Variants in GADL1 observed in about 807,000 individuals in gnomAD.
GADL1 encodes GAD like acidic amino acid decarboxylase 1.
A neutral mutation model predicts 69.5 loss-of-function variants in GADL1; 71 were observed. The ratio of observed to expected loss-of-function variants is 1.02; its 90% confidence interval spans 0.84 to 1.25. The LOEUF (loss-of-function observed/expected upper bound fraction) is 1.25, where lower values mean the gene tolerates loss of function less well. GADL1 is among the 50% of genes most tolerant of loss of function. GADL1 has a pLI of 0.00. For synonymous variants in GADL1, 254 were observed against 214.4 expected (o/e 1.18, Z -1.62); for missense variants, 737 against 631.8 (o/e 1.17, Z -1.79).
intron 8 of GADL1, 51 bp downstream of exon 8, chr3:30,844,159 G>T (rs768491620): frequency 1.4e-6 from 2 of 1,416,014 alleles, no homozygotes; most frequent in East Asian, 2.3e-5. Context: ...GCGCGCGGGC[G>T]TGCGCGCACA....
intron 14 of GADL1, among the ~76,000 whole-genome samples, chr3:30,766,563 T>TC (rs1371958541): frequency 1.6e-5 from 2 of 125,416 alleles, no homozygotes; most frequent in Non-Finnish European, 3.6e-5. Context: ...GTGATTTTTT[T>TC]TCTCTTAATG....
intron 14 of GADL1, among the ~76,000 whole-genome samples, chr3:30,770,988 T>TTG (rs1350362686): frequency 6.6e-6 from 1 of 152,158 alleles, no homozygotes; most frequent in African/African-American, 2.4e-5. Context: ...AATAACAAAT[T>TTG]TTATGCGTTG....
At chr3:30,794,037 A>G (rs1696976443) in intron 12 of GADL1, among the ~76,000 whole-genome samples, 1 of 152,234 alleles carries the variant, frequency 6.6e-6, no homozygotes, top group African/African-American at 2.4e-5. Context: ...ACCAATATAA[A>G]GATAAAATGA....
intron 14 of GADL1, among the ~76,000 whole-genome samples, chr3:30,768,544 G>A (rs1363137665): frequency 7.6e-6 from 1 of 132,266 alleles, no homozygotes; most frequent in East Asian, 2.4e-4. Flanking sequence ...TTGAGAAGGA[G>A]AAGAGGGGGA....
intron 14 of GADL1, among the ~76,000 whole-genome samples, chr3:30,733,366 A>G (rs1024794162): frequency 2.0e-5 from 3 of 152,140 alleles, no homozygotes; most frequent in African/African-American, 7.2e-5. Context: ...ACAAAAACTA[A>G]TTTGCTTTAT....
intron 14 of GADL1, among the ~76,000 whole-genome samples, chr3:30,774,234 G>A (rs1185218301): frequency 6.6e-6 from 1 of 152,182 alleles, no homozygotes; most frequent in Non-Finnish European, 1.5e-5. Context: ...CCTGCACTGT[G>A]TAGAGCAATC....
Position 30,770,761 on chromosome 3 carries a change from T to C in GADL1, c.1392+7418A>G, listed in dbSNP as rs990031134. 4.1e-4 allele frequency among the ~76,000 whole-genome samples: 62 copies of C among 152,186 alleles called. 1 individual carries two copies. The highest frequency in any genetic ancestry group is 3.4e-3 in the Middle Eastern group (1 of 294). The stretch of plus-strand genomic sequence containing the variant: ...ATTCTTTATTTTAATTTTCAAGAGA[T>C]AGGCTAAACTCAGAACTTATGCCAC... On this transcript the variant is annotated intron_variant, in intron 14 of 14. Coordinates refer to ENST00000282538, the MANE Select transcript of GADL1 (RefSeq NM_207359.3).
At chr3:30,853,427 A>G (rs958346056) in intron 4 of GADL1, among the ~76,000 whole-genome samples, 1 of 152,172 alleles carries the variant, frequency 6.6e-6, no homozygotes, top group Non-Finnish European at 1.5e-5. Flanking sequence ...CACCATTTCA[A>G]TTACCATAAT....
rs142076789 is a variant in GADL1, at chr3:30,769,386, GCA to G, written c.1392+8791_1392+8792del. Among the ~76,000 whole-genome samples, 637 of 151,604 alleles carry G rather than the reference GCA, an allele frequency of 4.2e-3. 5 individuals are homozygous for G. Among genetic ancestry groups the G allele is most frequent in the African/African-American group, 0.015 (608 of 41,264 alleles). ...CAATGTCTGGAACGTATGCACACAC[GCA>G]CACACACACACCCAGATACCTCCTT... On this transcript the variant is annotated intron_variant, in intron 14 of 14. Transcript: ENST00000282538.
chr3:30,850,014 G>A lies in GADL1; in HGVS notation c.633C>T (p.Ile211=). Residue 211 remains isoleucine (I), a synonymous_variant, in exon 6 of 15, where the codon ATC becomes ATT. Transcript: ENST00000282538. ...TTTTTACCTCTGCAGATGTGAAAAG[G>A]ATTAATCTTGGCGAACCAGACAGCC... The part of the protein sequence containing the change: ...EKGLSGSPRL[I]LFTSAECHYS... 1 of 1,597,520 alleles carries A rather than the reference G, an allele frequency of 6.3e-7. No individual in the cohort carries two copies. Among genetic ancestry groups the A allele is most frequent in the South Asian group, 1.1e-5 (1 of 90,672 alleles).
At chr3:30,806,225 T>C (rs1697253775) in intron 11 of GADL1, among the ~76,000 whole-genome samples, 1 of 152,180 alleles carries the variant, frequency 6.6e-6, no homozygotes, top group Non-Finnish European at 1.5e-5. Context: ...AAAAATGGTC[T>C]AAATGACTTA....
At chr3:30,839,966 G>A (rs1697940817) in intron 8 of GADL1, among the ~76,000 whole-genome samples, 1 of 152,140 alleles carries the variant, frequency 6.6e-6, no homozygotes, top group African/African-American at 2.4e-5. Context: ...ATTGCTCCAG[G>A]ATGGTGGTAG....
chr3:30,775,380 C>T (rs1190533431), intron 14 of GADL1, among the ~76,000 whole-genome samples: 1 of 152,184 alleles, frequency 6.6e-6, no homozygotes, highest in Non-Finnish European at 1.5e-5. Context: ...TTCAAGTGTG[C>T]TTTAAGTACA....
intron 14 of GADL1, among the ~76,000 whole-genome samples, chr3:30,770,230 G>A (rs943152192): frequency 1.3e-5 from 2 of 152,136 alleles, no homozygotes; most frequent in Admixed American, 6.5e-5. Context: ...TTTGCAACTC[G>A]ACTGAGTAAA....
At chr3:30,875,603 A>T (rs1698567443) in intron 1 of GADL1, among the ~76,000 whole-genome samples, 1 of 151,910 alleles carries the variant, frequency 6.6e-6, no homozygotes, top group Non-Finnish European at 1.5e-5. Flanking sequence ...AAAGAATAGG[A>T]GGCAGAGGGT....
intron 1 of GADL1, among the ~76,000 whole-genome samples, chr3:30,880,966 G>T (rs1336741108): frequency 1.3e-5 from 2 of 151,902 alleles, no homozygotes; most frequent in Non-Finnish European, 2.9e-5. Context: ...TCTTACTGGT[G>T]TTGCTTATGA....
chr3:30,808,695 T>A (rs749591002), intron 11 of GADL1, among the ~76,000 whole-genome samples: 1 of 152,180 alleles, frequency 6.6e-6, no homozygotes, highest in Non-Finnish European at 1.5e-5. Flanking sequence ...TCTAAAATGC[T>A]GATGTATGAA....
At chr3:30,762,526 A>G (rs1359034977) in intron 14 of GADL1, among the ~76,000 whole-genome samples, 1 of 152,212 alleles carries the variant, frequency 6.6e-6, no homozygotes, top group African/African-American at 2.4e-5. Flanking sequence ...TTCTGGGGGT[A>G]CATAAGATGT....
chr3:30,774,527 AAT>A (rs2125494134), intron 14 of GADL1, among the ~76,000 whole-genome samples: 1 of 152,308 alleles, frequency 6.6e-6, no homozygotes, highest in African/African-American at 2.4e-5. Flanking sequence ...ACCTACTTAT[AAT>A]AGTCTGCATT....
Sources: gnomAD v4.1 joint callset for allele counts (sites outside exome capture counted in the v4.1 genomes callset) on GRCh38, gnomAD v4.1.1 for gene constraint, MANE v1.5 for transcripts, NCBI Gene and HGNC (gene_info 2026-07-23, HGNC 2026-07-21) for gene names.